The following NET1 variants were observed in gnomAD, a reference collection of about 807,000 sequenced individuals.
NET1 encodes the protein neuroepithelial cell transforming 1.
NET1 carries 42 observed loss-of-function variants against 61.1 expected under a neutral mutation model. The observed-to-expected ratio is 0.69, with a 90% CI of 0.54 to 0.89. NET1 has a LOEUF of 0.89. Ranked by LOEUF, NET1 falls within the 40% of genes least tolerant of loss-of-function variation. The pLI is 0.00. For synonymous variants in NET1, 254 were observed against 281.8 expected (o/e 0.90, Z 0.99); for missense variants, 654 against 747.3 (o/e 0.88, Z 1.46).
At chr10:5,436,032 C>A (rs1189350853) in intron 3 of NET1, among the ~76,000 whole-genome samples, 4 of 151,092 alleles carry the variant, frequency 2.6e-5, no homozygotes, top group African/African-American at 9.7e-5. Flanking sequence ...GACTTAATTT[C>A]TTTAACTCTG....
At chr10:5,450,726 A>G (rs1490672971) in intron 3 of NET1, among the ~76,000 whole-genome samples, 1 of 152,238 alleles carries the variant, frequency 6.6e-6, no homozygotes, top group Admixed American at 6.5e-5. Flanking sequence ...CTCCATAGAC[A>G]TAAAGAATAG....
At chr10:5,445,954 T>C (rs1220198151) in intron 3 of NET1, among the ~76,000 whole-genome samples, 1 of 152,176 alleles carries the variant, frequency 6.6e-6, no homozygotes, top group Non-Finnish European at 1.5e-5. Context: ...TTATAAAATA[T>C]CTAGTACACA....
In NET1 at chr10:5,435,486, TA is replaced by T. The variant is rs1351426354; in HGVS notation, c.255+6258del. On this transcript the variant is annotated intron_variant, in intron 3 of 11. Transcript: ENST00000355029. This position sits in a 1 kb window ranked among gnomAD's most constrained non-coding sequence, Gnocchi z 5.0. ...TGCCTCCGTGCCTGAGATAGATAGA[TA>T]GATAGATAGATAGATAGATAGATAG... 5.2e-3 allele frequency among the ~76,000 whole-genome samples: 31 copies of T among 5,942 alleles called. No homozygotes were observed. Among genetic ancestry groups the T allele is most frequent in the Admixed American group, 0.01 (3 of 288 alleles). 3.9% of individuals were successfully genotyped at this position (5,942 alleles called of 152,430 possible). A position where few individuals can be genotyped will look rare whatever the true frequency, so the allele number is the denominator to read the frequency against.
Position 5,444,161 on chromosome 10 carries a change from T to A in NET1, c.256-7669T>A, listed in dbSNP as rs1378290944. On this transcript the variant is annotated intron_variant, in intron 3 of 11. Transcript: ENST00000355029. This position sits in a 1 kb window ranked among gnomAD's most constrained non-coding sequence, Gnocchi z 5.3. ...TATATGGAAATATCTTCTACAGTCA[T>A]CCACTCTTAAGGCCAACCACATCAC... 6.6e-6 allele frequency among the ~76,000 whole-genome samples: 1 copy of A among 152,160 alleles called. No homozygotes were observed. Among genetic ancestry groups the A allele is most frequent in the Admixed American group, 6.5e-5 (1 of 15,282 alleles).
intron 3 of NET1, among the ~76,000 whole-genome samples, chr10:5,436,221 TGTGC>T (rs1472100303): frequency 0.018 from 1,248 of 68,620 alleles, 19 homozygotes; most frequent in Non-Finnish European, 0.024. Context: ...TGTGTGTGTG[TGTGC>T]ATATATATAT....
chr10:5,413,038 G>C (rs1254470220), intron 1 of NET1, among the ~76,000 whole-genome samples: 1 of 129,482 alleles, frequency 7.7e-6, no homozygotes, highest in African/African-American at 3.2e-5. Flanking sequence ...CGCGGGGTTG[G>C]GGGGGGGGAC....
In NET1 at chr10:5,422,649, C is replaced by T. The variant is rs1431030384; in HGVS notation, c.129-4006C>T. ...GGTGGTGTTTGCTGGTTTCTAGATG[C>T]TCAACTGTGTTCTAGACAAGATATT... is the stretch of plus-strand genomic sequence containing the variant. On this transcript the variant is annotated intron_variant, in intron 1 of 11. Transcript: ENST00000355029. This position sits in a 1 kb window ranked among gnomAD's most constrained non-coding sequence, Gnocchi z 4.1. Among the ~76,000 whole-genome samples, 1 of 152,144 alleles carries T rather than the reference C, an allele frequency of 6.6e-6. No homozygotes were observed. Among genetic ancestry groups the T allele is most frequent in the Non-Finnish European group, 1.5e-5 (1 of 68,022 alleles).
Position 5,454,973 on chromosome 10 carries a change from C to A in NET1, c.1052C>A (p.Ser351Tyr), listed in dbSNP as rs1832773306. ...DAILIIQGVLSDINLKKGESE... is the reference protein window; with the variant it reads ...DAILIIQGVLYDINLKKGESE... ...ATATTGATAATACAGGGAGTCCTCT[C>A]TGATATCAACTTGAAGAAAGGTGAA... The change falls in exon 10 of 12, where the codon TCT becomes TAT. Residue 351 changes from serine to tyrosine, a missense_variant. By Grantham distance (144) the Ser-to-Tyr change is moderately radical. Transcript: ENST00000355029. This position sits in a 1 kb window ranked among gnomAD's most constrained non-coding sequence, Gnocchi z 8.1. The A allele has an allele frequency of 6.2e-7, 1 of 1,614,086 alleles. No individual in the cohort carries two copies. The highest frequency in any genetic ancestry group is 2.2e-5 in the East Asian group (1 of 44,890).
rs1386892058 is a variant in NET1 at position 5,441,378 on chromosome 10, A to C, written c.256-10452A>C. ...GGAGCCAGTTGCTATGGCAATGTCA[A>C]ATTGGGCTGAGAAAACAGGAGGCTG... On this transcript the variant is annotated intron_variant, in intron 3 of 11. Coordinates refer to ENST00000355029, the MANE Select transcript of NET1 (RefSeq NM_001047160.3). The surrounding 1 kb of genome is among the most constrained non-coding windows in gnomAD (Gnocchi z 4.6). Among the ~76,000 whole-genome samples the C allele has an allele frequency of 3.3e-5, 5 of 152,238 alleles. No individual in the cohort carries two copies. In the East Asian group the frequency reaches 7.7e-4, roughly 23 times the overall value.
chr10:5,456,558 T>A lies in NET1; in HGVS notation c.1385-30T>A. ...AGAATAAACCTTTTTTTAGCCTGAT[T>A]TCTTTTTTTTTTCCAATTTTTTTTT... On this transcript the variant is annotated intron_variant, in intron 11 of 11. Coordinates refer to ENST00000355029, the MANE Select transcript of NET1 (RefSeq NM_001047160.3). The surrounding 1 kb of genome is among the most constrained non-coding windows in gnomAD (Gnocchi z 7.0). 6.6e-7 allele frequency: 1 copy of A among 1,513,110 alleles called. No individual in the cohort carries two copies. Among genetic ancestry groups the A allele is most frequent in the Non-Finnish European group, 8.8e-7 (1 of 1,130,868 alleles). The allele number at this position is 1,513,110 out of a possible 1,614,324, so 93.7% of individuals were successfully genotyped here.
chr10:5,421,560 G>A lies in NET1; in HGVS notation c.129-5095G>A, dbSNP rs929796951. On this transcript the variant is annotated intron_variant, in intron 1 of 11. Transcript: ENST00000355029. This position sits in a 1 kb window ranked among gnomAD's most constrained non-coding sequence, Gnocchi z 4.2. ...CCCAGGATCTTTATTATTAGTAGTA[G>A]TAGTTGCCAAAAATAAAAGGCATGC... 6.6e-6 allele frequency among the ~76,000 whole-genome samples: 1 copy of A among 152,146 alleles called. No homozygotes were observed. Among genetic ancestry groups the A allele is most frequent in the African/African-American group, 2.4e-5 (1 of 41,420 alleles).
chr10:5,451,821 T>G lies in NET1; in HGVS notation c.256-9T>G, dbSNP rs371831666. On this transcript the variant is annotated splice_polypyrimidine_tract_variant and intron_variant, in intron 3 of 11. Coordinates refer to ENST00000355029, the MANE Select transcript of NET1 (RefSeq NM_001047160.3). This position sits in a 1 kb window ranked among gnomAD's most constrained non-coding sequence, Gnocchi z 6.1. ...CATATATTTAGTGTCATCTGGTTTG[T>G]TTTTATAGGAGCCAAGCAATAAAAG... The G allele has an allele frequency of 8.1e-4, 1,311 of 1,611,162 alleles. 1 individual carries two copies. The highest frequency in any genetic ancestry group is 9.7e-4 in the Non-Finnish European group (1,148 of 1,177,880).
chr10:5,454,870 A>T lies in NET1; in HGVS notation c.1027-78A>T, dbSNP rs539114907. On this transcript the variant is annotated intron_variant, in intron 9 of 11. Coordinates refer to ENST00000355029, the MANE Select transcript of NET1 (RefSeq NM_001047160.3). This position sits in a 1 kb window ranked among gnomAD's most constrained non-coding sequence, Gnocchi z 8.1. ...AAGCTTTAAAGTTCTTCCATTCCAT[A>T]TGACATTTTTGCTCTGCAGGAAGCA... The T allele has an allele frequency of 1.5e-6, 2 of 1,364,474 alleles. No homozygotes were observed. Among genetic ancestry groups the T allele is most frequent in the Admixed American group, 3.6e-5 (2 of 55,604 alleles). The allele number at this position is 1,364,474 out of a possible 1,614,324, so 84.5% of individuals were successfully genotyped here. A position where few individuals can be genotyped will look rare whatever the true frequency, so the allele number is the denominator to read the frequency against.
At position 5,446,853 on chromosome 10, in the gene NET1, C is replaced by G; in HGVS notation, c.256-4977C>G. 1 of 1,607,002 alleles carries G rather than the reference C, an allele frequency of 6.2e-7. No individual in the cohort carries two copies. The highest frequency in any genetic ancestry group is 1.1e-5 in the South Asian group (1 of 89,612). ...TGTCAATAACCAGTCCTTCAGAGAACAAGAGGTAAGACTTTAAGAGAAACG... is the reference window on the plus strand; with the variant it reads ...TGTCAATAACCAGTCCTTCAGAGAAGAAGAGGTAAGACTTTAAGAGAAACG... On this transcript the variant is annotated intron_variant, in intron 3 of 11. Coordinates refer to ENST00000355029, the MANE Select transcript of NET1 (RefSeq NM_001047160.3). This position sits in a 1 kb window ranked among gnomAD's most constrained non-coding sequence, Gnocchi z 5.0.
rs1832694141 is a variant in NET1, at chr10:5,451,026, A to T, written c.256-804A>T. 6.6e-6 allele frequency among the ~76,000 whole-genome samples: 1 copy of T among 152,232 alleles called. No homozygotes were observed. The highest frequency in any genetic ancestry group is 2.1e-4 in the South Asian group (1 of 4,830). On this transcript the variant is annotated intron_variant, in intron 3 of 11. Coordinates refer to ENST00000355029, the MANE Select transcript of NET1 (RefSeq NM_001047160.3). This position sits in a 1 kb window ranked among gnomAD's most constrained non-coding sequence, Gnocchi z 6.1. ...CCCAGTGTTTATGTAGTAAATGGAA[A>T]TATTCCTAAAATCTGTTAGTAATAG...
chr10:5,428,725 GT>G (rs111559000), intron 2 of NET1, among the ~76,000 whole-genome samples: 38,914 of 138,006 alleles, frequency 0.28, 5,048 homozygotes, highest in African/African-American at 0.3. Flanking sequence ...AATTTTCTTT[GT>G]TTTTTTTTTT....
chr10:5,444,416 T>A lies in NET1; in HGVS notation c.256-7414T>A, dbSNP rs1244862898. The stretch of plus-strand genomic sequence containing the variant: ...AGATTATTTGTCTTTATAAATAGTC[T>A]GCACCCACTATTCTTCTGTATTCAC... On this transcript the variant is annotated intron_variant, in intron 3 of 11. Coordinates refer to ENST00000355029, the MANE Select transcript of NET1 (RefSeq NM_001047160.3). The surrounding 1 kb of genome is among the most constrained non-coding windows in gnomAD (Gnocchi z 5.3). 6.6e-6 allele frequency among the ~76,000 whole-genome samples: 1 copy of A among 152,240 alleles called. No homozygotes were observed. The highest frequency in any genetic ancestry group is 1.5e-5 in the Non-Finnish European group (1 of 68,030).
intron 3 of NET1, among the ~76,000 whole-genome samples, chr10:5,429,797 A>G (rs2119179067): frequency 6.6e-6 from 1 of 152,268 alleles, no homozygotes; most frequent in Non-Finnish European, 1.5e-5. Flanking sequence ...AAGTCCAAAA[A>G]CCTAGTATCT....
chr10:5,422,159 A>G lies in NET1; in HGVS notation c.129-4496A>G, dbSNP rs111615994. Among the ~76,000 whole-genome samples the G allele has an allele frequency of 5.9e-5, 9 of 152,312 alleles. No homozygotes were observed. The highest frequency in any genetic ancestry group is 2.1e-4 in the South Asian group (1 of 4,822). On this transcript the variant is annotated intron_variant, in intron 1 of 11. Transcript: ENST00000355029. The surrounding 1 kb of genome is among the most constrained non-coding windows in gnomAD (Gnocchi z 4.1). ...GGAGTTCGAGACCAGCCTGGTCAAC[A>G]TGGCCTGTCTCTACTAAAAATATAA...
Sources: gnomAD v4.1 joint callset for allele counts (sites outside exome capture counted in the v4.1 genomes callset) on GRCh38, gnomAD v4.1.1 for gene constraint, Gnocchi (gnomAD v3.1) non-coding constraint, MANE v1.5 for transcripts, NCBI Gene and HGNC (gene_info 2026-07-23, HGNC 2026-07-21) for gene names.